Variants in PIP4P1 observed in about 807,000 individuals in gnomAD.
PIP4P1 encodes type 1 phosphatidylinositol 4,5-bisphosphate 4-phosphatase.
In PIP4P1, 14 loss-of-function variants were observed where a neutral mutation model predicts 32.3. That is an observed-to-expected ratio of 0.43 (90% CI 0.29 to 0.68). The LOEUF (loss-of-function observed/expected upper bound fraction) is 0.68. Ranked by LOEUF, PIP4P1 falls within the 30% of genes least tolerant of loss-of-function variation. The pLI, the probability that PIP4P1 is intolerant of heterozygous loss-of-function variation, is 0.15. For synonymous variants in PIP4P1, 132 were observed against 137.9 expected, an observed-to-expected ratio of 0.96 and a Z score of 0.30; for missense variants, 289 against 364.5, an observed-to-expected ratio of 0.79 and a Z score of 1.69.
rs1281385482 is a variant in PIP4P1, at chr14:20,458,238, G to A, written c.*321C>T. ...CCCACCCTGCCCTGGAATGTGTAAG[G>A]GACAGGAATGGCTCTCAGGGAGCAC... On this transcript the variant is annotated 3_prime_UTR_variant, in exon 7 of 7. Transcript: ENST00000250489. The A allele has an allele frequency of 5.8e-6, 3 of 516,288 alleles. No individual in the cohort carries two copies. Among genetic ancestry groups the A allele is most frequent in the African/African-American group, 3.8e-5 (2 of 52,402 alleles). The allele number at this position is 516,288 out of a possible 1,614,324, so 32.0% of individuals were successfully genotyped here.
chr14:20,458,824 A>G, intron 6 of PIP4P1, 122 bp from the exon 7 acceptor site: 1 of 1,271,698 alleles, frequency 7.9e-7, no homozygotes, highest in Non-Finnish European at 1.1e-6. Context: ...ATCCACATGT[A>G]GCCACCCTCA....
chr14:20,461,413 C>A lies in PIP4P1; in HGVS notation c.-88G>T. 2 of 1,211,468 alleles carry A rather than the reference C, an allele frequency of 1.7e-6. No individual in the cohort carries two copies. The highest frequency in any genetic ancestry group is 2.1e-6 in the Non-Finnish European group (2 of 969,064). 75.0% of individuals were successfully genotyped at this position (1,211,468 alleles called of 1,614,324 possible). On this transcript the variant is annotated 5_prime_UTR_variant, in exon 1 of 7. Coordinates refer to ENST00000250489, the MANE Select transcript of PIP4P1 (RefSeq NM_144568.4). ...GCAGCCACCGCCACCGCCGCCACCG[C>A]CACCGCCGCTACCGGGTCCCCAGGG... is the stretch of plus-strand genomic sequence containing the variant.
chr14:20,459,872 T>C, intron 3 of PIP4P1, 139 bp from the exon 4 acceptor site: 1 of 676,770 alleles, frequency 1.5e-6, no homozygotes, highest in Non-Finnish European at 2.5e-6. Flanking sequence ...TAAGATACTC[T>C]GTCCCCCAAC....
intron 1 of PIP4P1, 55 bp from the exon 2 acceptor site, chr14:20,460,900 C>T: frequency 1.3e-6 from 2 of 1,482,870 alleles, no homozygotes; most frequent in Non-Finnish European, 1.8e-6. Flanking sequence ...ACTGATGCTC[C>T]ACGGTGGTAG....
chr14:20,458,649 T>G lies in PIP4P1; in HGVS notation c.744A>C (p.Ala248=). The G allele has an allele frequency of 6.2e-7, 1 of 1,614,188 alleles. No homozygotes were observed. Among genetic ancestry groups the G allele is most frequent in the East Asian group, 2.2e-5 (1 of 44,886 alleles). ...RRYGGIYAAW[A]FVILLAVLCL... ...ACAGCACAGCCAACAGGATGACAAA[T>G]GCCCAGGCTGCATAGATGCCTCCAT... The change falls in exon 7 of 7, where the codon GCA becomes GCC. Residue 248 remains alanine (A), a synonymous_variant. Coordinates refer to ENST00000250489, the MANE Select transcript of PIP4P1 (RefSeq NM_144568.4).
In PIP4P1 at chr14:20,461,219, C is replaced by G. The variant is rs773019722; in HGVS notation, c.107G>C (p.Gly36Ala). ...CGGTGGTGCGGAGGGGGTCAGGCCTCCCCCGGGCCCAGCCCCACTCCCGCC... is the reference window on the plus strand; with the variant it reads ...CGGTGGTGCGGAGGGGGTCAGGCCTGCCCCGGGCCCAGCCCCACTCCCGCC... ...GPGGSGAGPG[G>A]GLTPSAPPYG... Residue 36 changes from glycine to alanine, a missense_variant, in exon 1 of 7, where the codon GGA becomes GCA. By Grantham distance (60) the Gly-to-Ala change is moderately conservative (BLOSUM62 0). Coordinates refer to ENST00000250489, the MANE Select transcript of PIP4P1 (RefSeq NM_144568.4). 41 of 1,256,020 alleles carry G rather than the reference C, an allele frequency of 3.3e-5. No homozygotes were observed. Among genetic ancestry groups the G allele is most frequent in the Non-Finnish European group, 5.0e-6 (5 of 994,974 alleles). 77.8% of individuals were successfully genotyped at this position (1,256,020 alleles called of 1,614,324 possible).
Position 20,461,168 on chromosome 14 carries a change from G to A in PIP4P1, c.142+16C>T. ...TCGGACCCGCCCCGGCTTACCCTGG[G>A]GCGGGGCATGTTTACCGGCTCCGTA... On this transcript the variant is annotated intron_variant, in intron 1 of 6. Coordinates refer to ENST00000250489, the MANE Select transcript of PIP4P1 (RefSeq NM_144568.4). 7.9e-7 allele frequency: 1 copy of A among 1,261,370 alleles called. No homozygotes were observed. The highest frequency in any genetic ancestry group is 1.0e-6 in the Non-Finnish European group (1 of 998,256). 78.1% of individuals were successfully genotyped at this position (1,261,370 alleles called of 1,614,324 possible).
Position 20,461,350 on chromosome 14 carries a change from A to C in PIP4P1, c.-25T>G. 18 of 1,269,894 alleles carry C rather than the reference A, an allele frequency of 1.4e-5. No homozygotes were observed. Among genetic ancestry groups the C allele is most frequent in the Non-Finnish European group, 1.8e-5 (18 of 1,008,752 alleles). The allele number at this position is 1,269,894 out of a possible 1,614,324, so 78.7% of individuals were successfully genotyped here. ...TGGCCGCCACCGCCGCCTCCCGCTC[A>C]GGTCGGCGATCCGGCTCCCTTCGCC... is the stretch of plus-strand genomic sequence containing the variant. On this transcript the variant is annotated 5_prime_UTR_variant, in exon 1 of 7. Coordinates refer to ENST00000250489, the MANE Select transcript of PIP4P1 (RefSeq NM_144568.4).
chr14:20,460,059 G>A (rs1881643321), intron 3 of PIP4P1, 133 bp downstream of exon 3: 1 of 725,058 alleles, frequency 1.4e-6, no homozygotes, highest in Admixed American at 2.2e-5. Context: ...TAACATTCCT[G>A]AGGCACATGC....
chr14:20,461,018 C>T (rs972450339), intron 1 of PIP4P1, 166 bp downstream of exon 1: 13 of 1,247,608 alleles, frequency 1.0e-5, no homozygotes, highest in African/African-American at 9.4e-5. Context: ...GCTGTGGTCG[C>T]GATTACGGAG....
chr14:20,460,623 C>CA, intron 2 of PIP4P1, 32 bp downstream of exon 2: 1 of 1,605,544 alleles, frequency 6.2e-7, no homozygotes, highest in Non-Finnish European at 8.5e-7. Flanking sequence ...ATCCAGGAAA[C>CA]AGGGCCCATT....
chr14:20,459,419 T>C lies in PIP4P1; in HGVS notation c.568A>G (p.Thr190Ala). The change falls in exon 5 of 7, where the codon ACT becomes GCT. Residue 190 changes from threonine to alanine, a missense_variant. Coordinates refer to ENST00000250489, the MANE Select transcript of PIP4P1 (RefSeq NM_144568.4). ...TFLWTEFTDR[T>A]LARCPHCRKV... ...CTGCAGTGAGGACAACGTGCCAAAG[T>C]GCGGTCTGTGAACTCTGTCCACTAT... 6.2e-7 allele frequency: 1 copy of C among 1,614,188 alleles called. No individual in the cohort carries two copies. Among genetic ancestry groups the C allele is most frequent in the Non-Finnish European group, 8.5e-7 (1 of 1,180,034 alleles).
Position 20,459,661 on chromosome 14 carries a change from C to T in PIP4P1, c.513G>A (p.Arg171=). ...TATTCTTGCAATGTCCACAGATAACCCTGACACCCATGGGTTGGGGTTCTG... is the reference window on the plus strand; with the variant it reads ...TATTCTTGCAATGTCCACAGATAACTCTGACACCCATGGGTTGGGGTTCTG... ...LSPEPQPMGV[R]VICGHCKNTF... is the part of the protein sequence containing the mutation. The change falls in exon 4 of 7, where the codon AGG becomes AGA. Residue 171 remains arginine (R), a synonymous_variant. Coordinates refer to ENST00000250489, the MANE Select transcript of PIP4P1 (RefSeq NM_144568.4). 2 of 1,614,132 alleles carry T rather than the reference C, an allele frequency of 1.2e-6. No individual in the cohort carries two copies.
chr14:20,459,611 C>T lies in PIP4P1; in HGVS notation c.546+17G>A, dbSNP rs377740686. The T allele has an allele frequency of 2.1e-5, 33 of 1,608,352 alleles. No homozygotes were observed. Among genetic ancestry groups the T allele is most frequent in the Non-Finnish European group, 1.7e-6 (2 of 1,174,906 alleles). On this transcript the variant is annotated intron_variant, in intron 4 of 6. Transcript: ENST00000250489. ...TTAGTCTCCTTTCCCCTCCCCTTCC[C>T]AATACCCCTTCCTCACCAGAAAAGT... is the stretch of plus-strand genomic sequence containing the variant.
At chr14:20,459,789 C>G (rs1881632527) in intron 3 of PIP4P1, 56 bp from the exon 4 acceptor site, 1 of 1,434,930 alleles carries the variant, frequency 7.0e-7, no homozygotes, top group Non-Finnish European at 9.8e-7. Context: ...AATTTTTAAT[C>G]CTAAAAATCT....
In PIP4P1 at chr14:20,458,062, G is replaced by T; in HGVS notation, c.*497C>A. On this transcript the variant is annotated 3_prime_UTR_variant, in exon 7 of 7. Transcript: ENST00000250489. The stretch of plus-strand genomic sequence containing the variant: ...ACATCAGTTCCTGTGGTTCTGTACA[G>T]AGCAGCGGCTGACCCCACCCCCACA... 8.5e-6 allele frequency: 3 copies of T among 353,334 alleles called. No individual in the cohort carries two copies. In the East Asian group the frequency reaches 2.2e-4, roughly 26 times the overall value. 21.9% of individuals were successfully genotyped at this position (353,334 alleles called of 1,614,324 possible). A position where few individuals can be genotyped will look rare whatever the true frequency, so the allele number is the denominator to read the frequency against.
chr14:20,461,016 C>T, intron 1 of PIP4P1, 168 bp downstream of exon 1: 1 of 1,246,870 alleles, frequency 8.0e-7, no homozygotes, highest in Non-Finnish European at 1.0e-6. Context: ...AGGCTGTGGT[C>T]GCGATTACGG....
intron 6 of PIP4P1, 99 bp downstream of exon 6, chr14:20,459,107 C>T (rs1167948814): frequency 2.3e-6 from 3 of 1,298,990 alleles, no homozygotes; most frequent in East Asian, 4.6e-5. Flanking sequence ...AACTAGTCCC[C>T]CAAGTTTCTT....
At position 20,459,270 on chromosome 14, in the gene PIP4P1, C is replaced by A; in HGVS notation, c.626G>T (p.Arg209Leu). The A allele has an allele frequency of 2.5e-6, 4 of 1,614,238 alleles. No individual in the cohort carries two copies. The highest frequency in any genetic ancestry group is 3.4e-6 in the Non-Finnish European group (4 of 1,180,034). Reference protein sequence around the residue: ...KVSSIGRRYPRKRCICCFLLG... With the variant: ...KVSSIGRRYPLKRCICCFLLG... ...CAAGAAGCAGCAGATACATCTCTTA[C>A]GTGGGTATCTGCGCCCAATAGATGA... The change falls in exon 6 of 7, where the codon CGT (arginine) becomes CTT (leucine). Residue 209 changes from arginine to leucine, a missense_variant. This residue lies in a region of PIP4P1 where 181 missense variants were observed against 263.3 expected (regional missense o/e 0.69). Transcript: ENST00000250489.
Sources: allele counts gnomAD v4.1 joint callset, GRCh38; gene constraint gnomAD v4.1.1; regional missense constraint gnomAD v4.1.1; transcripts MANE v1.5; gene names NCBI Gene and HGNC (gene_info 2026-07-23, HGNC 2026-07-21).